ZNF529: variants seen among roughly 807,000 people sequenced by gnomAD.
ZNF529 encodes zinc finger protein 529.
ZNF529 carries 11 observed loss-of-function variants against 10.1 expected under a neutral mutation model. The observed-to-expected ratio is 1.09, with a 90% CI of 0.69 to 1.81. ZNF529 has a LOEUF of 1.81. ZNF529 is among the 40% of genes most tolerant of loss of function. The pLI, the probability that ZNF529 is intolerant of heterozygous loss-of-function variation, is 0.00. For synonymous variants in ZNF529, 204 were observed against 215.7 expected (o/e 0.95, Z 0.47); for missense variants, 624 against 666.8 (o/e 0.94, Z 0.71).
chr19:36,567,210 T>C (rs2035932670), intron 2 of ZNF529, among the ~76,000 whole-genome samples: 1 of 152,148 alleles, frequency 6.6e-6, no homozygotes, highest in South Asian at 2.1e-4. Context: ...GGTCAAGTGA[T>C]TTTTGACAAG....
chr19:36,581,910 C>T (rs2036472286), intron 2 of ZNF529: 1 of 152,210 alleles, frequency 6.6e-6, no homozygotes, highest in Admixed American at 6.5e-5. Flanking sequence ...ATACATGTGG[C>T]ATATACATAC....
At chr19:36,556,443 G>A (rs940013000) in intron 2 of ZNF529, among the ~76,000 whole-genome samples, 1 of 152,138 alleles carries the variant, frequency 6.6e-6, no homozygotes, top group African/African-American at 2.4e-5. Flanking sequence ...CTCAACCCTT[G>A]CCCCAGTCAG....
chr19:36,549,778 A>G (rs907318020), intron 4 of ZNF529, among the ~76,000 whole-genome samples: 16 of 151,842 alleles, frequency 1.1e-4, no homozygotes, highest in African/African-American at 3.6e-4. Flanking sequence ...ACCTTCCTCT[A>G]TTTTTTCTTT....
intron 1 of ZNF529, among the ~76,000 whole-genome samples, chr19:36,600,366 T>G (rs1222843701): frequency 6.6e-6 from 1 of 152,196 alleles, no homozygotes; most frequent in Non-Finnish European, 1.5e-5. Context: ...ATATAATCCT[T>G]GAAAAGCTGC....
At chr19:36,573,310 C>A (rs907871058), upstream of ZNF529, 14 of 365,232 alleles carry the variant, frequency 3.8e-5, no homozygotes, top group Non-Finnish European at 1.7e-5. Flanking sequence ...GAAAAGGAAG[C>A]AAAGGTCGAA....
rs374818611 is a variant in ZNF529, at chr19:36,546,011, C to T, written c.*855G>A. The T allele has an allele frequency of 3.4e-5, 5 of 145,930 alleles. No individual in the cohort carries two copies. In the South Asian group the frequency reaches 1.1e-3, roughly 32 times the overall value. 9.0% of individuals were successfully genotyped at this position (145,930 alleles called of 1,614,324 possible). ...CATACACACTATATATATATAGTGCCCAGTATATAGTGTATATACTATATA... is the reference window on the plus strand; with the variant it reads ...CATACACACTATATATATATAGTGCTCAGTATATAGTGTATATACTATATA... On this transcript the variant is annotated 3_prime_UTR_variant, in exon 5 of 5. Transcript: ENST00000591340.
chr19:36,592,284 C>CAAAAAAAAAA (rs35717465), intron 1 of ZNF529, among the ~76,000 whole-genome samples: 1 of 49,860 alleles, frequency 2.0e-5, no homozygotes, highest in African/African-American at 8.6e-5. Flanking sequence ...GACTTTGTCT[C>CAAAAAAAAAA]AAAAAAAAAA....
intron 2 of ZNF529, among the ~76,000 whole-genome samples, chr19:36,578,550 C>T (rs1156638662): frequency 2.0e-5 from 3 of 151,556 alleles, no homozygotes; most frequent in Non-Finnish European, 4.4e-5. Context: ...TGTGATCCCC[C>T]CGCCTCAGCC....
chr19:36,602,052 A>ATTTTT (rs35443863), intron 1 of ZNF529, among the ~76,000 whole-genome samples: 6 of 145,568 alleles, frequency 4.1e-5, no homozygotes, highest in African/African-American at 1.3e-4. Flanking sequence ...GAACGCTACA[A>ATTTTT]TTTTTTTTTT....
chr19:36,562,249 T>A (rs563705948), intron 2 of ZNF529, among the ~76,000 whole-genome samples: 1 of 152,160 alleles, frequency 6.6e-6, no homozygotes, highest in East Asian at 1.9e-4. Flanking sequence ...CCTTATTCCA[T>A]TATTATTCCA....
intron 1 of ZNF529, among the ~76,000 whole-genome samples, chr19:36,603,088 G>T (rs1346379881): frequency 1.3e-5 from 2 of 151,902 alleles, no homozygotes; most frequent in Non-Finnish European, 2.9e-5. Flanking sequence ...AACTCCTAAG[G>T]TCCTCTAAAA....
chr19:36,571,641 C>T (rs1358437170), intron 2 of ZNF529, among the ~76,000 whole-genome samples: 1 of 149,482 alleles, frequency 6.7e-6, no homozygotes, highest in African/African-American at 2.5e-5. Context: ...CACCATTGCG[C>T]TCCAGCCTGG....
At chr19:36,572,200 T>C (rs1302811865) in intron 2 of ZNF529, 133 bp downstream of exon 2, 2 of 907,334 alleles carry the variant, frequency 2.2e-6, no homozygotes, top group African/African-American at 3.4e-5. Flanking sequence ...AATGCATATG[T>C]GAATATTCAA....
In ZNF529 at chr19:36,561,215, C is replaced by T. The variant is rs939937174; in HGVS notation, c.15-5018G>A. Among the ~76,000 whole-genome samples, 6 of 152,222 alleles carry T rather than the reference C, an allele frequency of 3.9e-5. No individual in the cohort carries two copies. The East Asian group carries it at 9.7e-4, about 25-fold the overall frequency. On this transcript the variant is annotated intron_variant, in intron 2 of 4. Coordinates refer to ENST00000591340, the MANE Select transcript of ZNF529 (RefSeq NM_020951.5). ...CCTCAAGTCTCTGCTCCCCACATCC[C>T]GGCACAGTGCTCCTTGGCTGCCGTA...
At chr19:36,593,423 C>T (rs1195170186) in intron 1 of ZNF529, among the ~76,000 whole-genome samples, 1 of 152,202 alleles carries the variant, frequency 6.6e-6, no homozygotes, top group East Asian at 1.9e-4. Context: ...CCTGCCTTGG[C>T]CTCCCAAAGT....
chr19:36,603,603 G>A (rs1332843099), intron 1 of ZNF529, among the ~76,000 whole-genome samples: 1 of 152,162 alleles, frequency 6.6e-6, no homozygotes, highest in African/African-American at 2.4e-5. Context: ...GCAAAATGTG[G>A]AAAGAAAGGG....
In ZNF529 at chr19:36,553,470, G is replaced by T. The variant is rs73929006; in HGVS notation, c.235+1200C>A. 9.9e-3 allele frequency among the ~76,000 whole-genome samples: 1,513 copies of T among 152,088 alleles called. 18 individuals are homozygous for T. The highest frequency in any genetic ancestry group is 0.034 in the African/African-American group (1,393 of 41,490). The stretch of plus-strand genomic sequence containing the variant: ...TCAATTATGTAAAGTGCTTAGGATG[G>T]GGCCAAGTAGAAGGCAAGAACTATG... On this transcript the variant is annotated intron_variant, in intron 4 of 4. Coordinates refer to ENST00000591340, the MANE Select transcript of ZNF529 (RefSeq NM_020951.5).
At chr19:36,563,068 T>C (rs192872519) in intron 2 of ZNF529, among the ~76,000 whole-genome samples, 2 of 152,298 alleles carry the variant, frequency 1.3e-5, no homozygotes, top group African/African-American at 4.8e-5. Context: ...AGAACTGTGA[T>C]ACATTTCTGT....
At chr19:36,589,294 G>A (rs2036652451) in intron 2 of ZNF529, among the ~76,000 whole-genome samples, 1 of 152,150 alleles carries the variant, frequency 6.6e-6, no homozygotes, top group South Asian at 2.1e-4. Context: ...AGGGATGGCA[G>A]TCTTGGGGAC....
Sources: allele counts gnomAD v4.1 joint callset (sites outside exome capture counted in the v4.1 genomes callset), GRCh38; gene constraint gnomAD v4.1.1; transcripts MANE v1.5; gene names NCBI Gene and HGNC (gene_info 2026-07-23, HGNC 2026-07-21).